The following ZNF681 variants were observed in gnomAD, a reference collection of about 807,000 sequenced individuals.
ZNF681 encodes hypothetical protein FLJ31526.
Under a neutral mutation model 56.0 loss-of-function variants are expected in ZNF681, and 37 were observed. That is an observed-to-expected ratio of 0.66 (90% CI 0.51 to 0.87). The LOEUF (loss-of-function observed/expected upper bound fraction) is 0.87. Among genes scored for constraint, ZNF681 ranks in the 40% least tolerant of loss-of-function variants. The pLI is 0.00. For missense variants in ZNF681, 741 were observed against 744.9 expected, an observed-to-expected ratio of 0.99 and a Z score of 0.06; for synonymous variants, 225 against 248.6, an observed-to-expected ratio of 0.91 and a Z score of 0.89.
chr19:23,753,510 A>C (rs1233694772), intron 3 of ZNF681, among the ~76,000 whole-genome samples: 2 of 152,310 alleles, frequency 1.3e-5, no homozygotes, highest in Non-Finnish European at 2.9e-5. Flanking sequence ...AAATTAGAAA[A>C]GACACAAATA....
chr19:23,745,411 C>A, intron 3 of ZNF681, 88 bp from the exon 4 acceptor site: 2 of 1,058,892 alleles, frequency 1.9e-6, no homozygotes, highest in Non-Finnish European at 2.5e-6. Flanking sequence ...ATACAAATTA[C>A]ATAAGCAAGA....
intron 3 of ZNF681, among the ~76,000 whole-genome samples, chr19:23,753,359 A>G (rs1198827949): frequency 6.6e-6 from 1 of 152,306 alleles, no homozygotes; most frequent in African/African-American, 2.4e-5. Flanking sequence ...AGATCGCACC[A>G]GTGCACTCCA....
chr19:23,745,332 A>T lies in ZNF681; in HGVS notation c.227-9T>A. On this transcript the variant is annotated splice_polypyrimidine_tract_variant and intron_variant, in intron 3 of 3. Transcript: ENST00000402377. ...AAAATGAGAACAAATAACTGAAAGA[A>T]ATAAAAATAACAAATGACTCCACTT... The T allele has an allele frequency of 6.6e-7, 1 of 1,512,166 alleles. No individual in the cohort carries two copies. Among genetic ancestry groups the T allele is most frequent in the South Asian group, 1.4e-5 (1 of 71,750 alleles). The allele number at this position is 1,512,166 out of a possible 1,614,324, so 93.7% of individuals were successfully genotyped here.
chr19:23,749,000 C>T (rs1968985263), intron 3 of ZNF681, among the ~76,000 whole-genome samples: 1 of 152,150 alleles, frequency 6.6e-6, no homozygotes, highest in African/African-American at 2.4e-5. Context: ...ATTTGTAAAT[C>T]TATATGCAAA....
At position 23,745,045 on chromosome 19, in the gene ZNF681, GT is replaced by G. The variant is rs745843775; in HGVS notation, c.504del (p.Lys168AsnfsTer18). On this transcript the variant is annotated frameshift_variant, in exon 4 of 4. Coordinates refer to ENST00000402377, the MANE Select transcript of ZNF681 (RefSeq NM_138286.3). LOFTEE classifies it high-confidence loss of function. ...NGHKVRHTRK[K>X]PFKYKEFGKS... ...TTGCCAAATTCTTTATATTTAAAAGGTTTTTTTCTGGTGTGTCTTACCTTAT... is the reference window on the plus strand; with the variant it reads ...TTGCCAAATTCTTTATATTTAAAAGGTTTTTTCTGGTGTGTCTTACCTTAT... The G allele has an allele frequency of 3.1e-6, 5 of 1,593,376 alleles. No homozygotes were observed. The highest frequency in any genetic ancestry group is 1.7e-4 in the Middle Eastern group (1 of 6,010).
rs890798311 is a variant in ZNF681, at chr19:23,741,949, C to A, written c.*1663G>T. On this transcript the variant is annotated 3_prime_UTR_variant, in exon 4 of 4. Transcript: ENST00000402377. ...TAATTCAACCTACAGGAATAATATT[C>A]TCTGACTTATTTGCAATTTAAAGCC... is the stretch of plus-strand genomic sequence containing the variant. 1.3e-5 allele frequency: 2 copies of A among 151,840 alleles called. No individual in the cohort carries two copies. Among genetic ancestry groups the A allele is most frequent in the African/African-American group, 2.4e-5 (1 of 41,332 alleles). 9.4% of individuals were successfully genotyped at this position (151,840 alleles called of 1,614,324 possible).
chr19:23,751,551 C>A (rs1969031861), intron 3 of ZNF681, among the ~76,000 whole-genome samples: 1 of 151,344 alleles, frequency 6.6e-6, no homozygotes, highest in Non-Finnish European at 1.5e-5. Context: ...TCACAGAAGG[C>A]AAGTATTTTG....
rs146808081 is a variant in ZNF681 at position 23,754,964 on chromosome 19, A to C, written c.131-46T>G. The C allele has an allele frequency of 2.4e-4, 349 of 1,466,764 alleles. 1 individual carries two copies. The East Asian group carries it at 7.0e-3, about 29-fold the overall frequency. 90.9% of individuals were successfully genotyped at this position (1,466,764 alleles called of 1,614,324 possible). A position where few individuals can be genotyped will look rare whatever the true frequency, so the allele number is the denominator to read the frequency against. ...AACATAAATCTTGCTTATATTGTCT[A>C]ATCACCAACATGGCAATGTAGTCAG... On this transcript the variant is annotated intron_variant, in intron 2 of 3. Transcript: ENST00000402377.
rs747918592 is a variant in ZNF681 at position 23,744,374 on chromosome 19, T to A, written c.1176A>T (p.Lys392Asn). 6.2e-7 allele frequency: 1 copy of A among 1,613,712 alleles called. No homozygotes were observed. The highest frequency in any genetic ancestry group is 8.5e-7 in the Non-Finnish European group (1 of 1,179,900). ...TGCCACATTCTTCACATTTGTAGGG[T>A]TTCTCTCCAGTATGAATTATCTTAT... is the stretch of plus-strand genomic sequence containing the variant. ...TTHKIIHTGE[K>N]PYKCEECGKA... The change falls in exon 4 of 4, where the codon AAA becomes AAT. Residue 392 changes from lysine to asparagine, a missense_variant. Lys to Asn is a moderately conservative substitution (Grantham distance 94). Coordinates refer to ENST00000402377, the MANE Select transcript of ZNF681 (RefSeq NM_138286.3).
intron 1 of ZNF681, among the ~76,000 whole-genome samples, chr19:23,756,295 A>C (rs1969116547): frequency 6.8e-6 from 1 of 147,418 alleles, no homozygotes; most frequent in African/African-American, 2.5e-5. Flanking sequence ...ACTGCACTCC[A>C]GCCTGGGCGA....
intron 3 of ZNF681, among the ~76,000 whole-genome samples, chr19:23,746,573 T>G (rs1051187918): frequency 6.6e-6 from 1 of 152,078 alleles, no homozygotes; most frequent in Non-Finnish European, 1.5e-5. Flanking sequence ...AAGTTTTTGA[T>G]TACCAAGAGG....
At position 23,741,598 on chromosome 19, in the gene ZNF681, AC is replaced by A. The variant is rs367580101; in HGVS notation, c.*2013del. On this transcript the variant is annotated 3_prime_UTR_variant, in exon 4 of 4. Transcript: ENST00000402377. ...GTGGCATGCGCCTGTAGTCCCAACT[AC>A]TCAGGAGGCTGAGGCGGAAGAATCA... 2.6e-5 allele frequency: 4 copies of A among 152,058 alleles called. No individual in the cohort carries two copies. Among genetic ancestry groups the A allele is most frequent in the African/African-American group, 9.7e-5 (4 of 41,404 alleles). 9.4% of individuals were successfully genotyped at this position (152,058 alleles called of 1,614,324 possible). A position where few individuals can be genotyped will look rare whatever the true frequency, so the allele number is the denominator to read the frequency against.
intron 3 of ZNF681, among the ~76,000 whole-genome samples, chr19:23,746,170 C>CA (rs1328685745): frequency 1.3e-5 from 2 of 151,898 alleles, no homozygotes; most frequent in Non-Finnish European, 2.9e-5. Context: ...CAAAATTAGC[C>CA]AGGCATGGTG....
chr19:23,756,325 C>CA (rs1028415971), intron 1 of ZNF681, among the ~76,000 whole-genome samples: 4 of 149,752 alleles, frequency 2.7e-5, no homozygotes, highest in South Asian at 2.1e-4. Flanking sequence ...ACTCTGTCCC[C>CA]CCCCAAAAAA....
chr19:23,740,490 C>T lies in ZNF681; in HGVS notation c.*3122G>A, dbSNP rs1298714287. The stretch of plus-strand genomic sequence containing the variant: ...TCCACATAAAAAATCAATGTTATTT[C>T]TCACAATTGATATGTTCCATCTCTG... On this transcript the variant is annotated 3_prime_UTR_variant, in exon 4 of 4. Coordinates refer to ENST00000402377, the MANE Select transcript of ZNF681 (RefSeq NM_138286.3). The T allele has an allele frequency of 6.6e-6, 1 of 152,170 alleles. No individual in the cohort carries two copies. Among genetic ancestry groups the T allele is most frequent in the Non-Finnish European group, 1.5e-5 (1 of 68,040 alleles). The allele number at this position is 152,170 out of a possible 1,614,324, so 9.4% of individuals were successfully genotyped here.
chr19:23,758,857 AG>A lies in ZNF681; in HGVS notation c.-109del. The A allele has an allele frequency of 6.7e-7, 1 of 1,497,072 alleles. No individual in the cohort carries two copies. Among genetic ancestry groups the A allele is most frequent in the Non-Finnish European group, 9.2e-7 (1 of 1,092,738 alleles). The allele number at this position is 1,497,072 out of a possible 1,614,324, so 92.7% of individuals were successfully genotyped here. ...AGAAGAAGAGGACACAGAGCAGTGAAGACGAGACCCGGAGCTCGGGCTGAAG... is the reference window on the plus strand; with the variant it reads ...AGAAGAAGAGGACACAGAGCAGTGAAACGAGACCCGGAGCTCGGGCTGAAG... On this transcript the variant is annotated 5_prime_UTR_variant, in exon 1 of 4. Coordinates refer to ENST00000402377, the MANE Select transcript of ZNF681 (RefSeq NM_138286.3).
rs902516736 is a variant in ZNF681, at chr19:23,740,746, G to T, written c.*2866C>A. On this transcript the variant is annotated 3_prime_UTR_variant, in exon 4 of 4. Coordinates refer to ENST00000402377, the MANE Select transcript of ZNF681 (RefSeq NM_138286.3). The stretch of plus-strand genomic sequence containing the variant: ...ACTAAAAAAAGTAGGCTTATACAGC[G>T]TTCTCCAATTAAAAGAACAAAATAA... The T allele has an allele frequency of 6.6e-6, 1 of 151,950 alleles. No homozygotes were observed. Among genetic ancestry groups the T allele is most frequent in the Admixed American group, 6.6e-5 (1 of 15,252 alleles). 9.4% of individuals were successfully genotyped at this position (151,950 alleles called of 1,614,324 possible).
rs180806868 is a variant in ZNF681, at chr19:23,755,246, G to C, written c.130+179C>G. Among the ~76,000 whole-genome samples, 24 of 152,130 alleles carry C rather than the reference G, an allele frequency of 1.6e-4. No homozygotes were observed. The East Asian group carries it at 4.4e-3, about 28-fold the overall frequency. On this transcript the variant is annotated intron_variant, in intron 2 of 3. Transcript: ENST00000402377. ...TAGCTCAGGAATGCAGAAAGTTCAG[G>C]TCAAGATGAAATATCTTGAAGAAAT...
Position 23,744,351 on chromosome 19 carries a change from C to G in ZNF681, c.1199G>C (p.Gly400Ala), listed in dbSNP as rs1968910197. The G allele has an allele frequency of 6.2e-7, 1 of 1,613,846 alleles. No individual in the cohort carries two copies. The highest frequency in any genetic ancestry group is 1.1e-5 in the South Asian group (1 of 91,072). The change falls in exon 4 of 4, where the codon GGC (glycine) becomes GCC (alanine). Residue 400 changes from glycine (G) to alanine (A), a missense_variant. Physicochemically the swap from Gly to Ala is moderately conservative, Grantham distance 60. Transcript: ENST00000402377. ...GEKPYKCEEC[G>A]KAFNKSSHLT... Reference sequence around the variant, plus strand: ...GTGTGAGGACTTGTTAAAAGCTTTGCCACATTCTTCACATTTGTAGGGTTT... The same window carrying G: ...GTGTGAGGACTTGTTAAAAGCTTTGGCACATTCTTCACATTTGTAGGGTTT...
Sources: allele counts gnomAD v4.1 joint callset (sites outside exome capture counted in the v4.1 genomes callset), GRCh38; gene constraint gnomAD v4.1.1; transcripts MANE v1.5; gene names NCBI Gene and HGNC (gene_info 2026-07-23, HGNC 2026-07-21).